FHIT: variants seen among roughly 807,000 people sequenced by gnomAD.
FHIT encodes bis(5'-adenosyl)-triphosphatase.
Under a neutral mutation model 17.9 loss-of-function variants are expected in FHIT, and 19 were observed. The ratio of observed to expected loss-of-function variants is 1.06; its 90% CI spans 0.74 to 1.56. The LOEUF (loss-of-function observed/expected upper bound fraction) is 1.56, where lower values mean the gene tolerates loss of function less well. FHIT is among the 40% of genes most tolerant of loss of function. The probability of loss-of-function intolerance (pLI) is 0.00; values close to 1 mark genes in which losing one functional copy is unlikely to be tolerated. For missense variants in FHIT, 248 were observed against 189.2 expected, an observed-to-expected ratio of 1.31 and a Z score of -1.82; for synonymous variants, 81 against 69.7, an observed-to-expected ratio of 1.16 and a Z score of -0.81.
At chr3:60,417,925 G>T (rs2687181) in intron 5 of FHIT, among the ~76,000 whole-genome samples, 4,165 of 152,162 alleles carry the variant, frequency 0.027, 96 homozygotes, top group African/African-American at 0.062. Context: ...GAAATCTCCC[G>T]AGCATTTTAT....
At chr3:59,802,859 T>C (rs1029377983) in intron 8 of FHIT, among the ~76,000 whole-genome samples, 5 of 152,006 alleles carry the variant, frequency 3.3e-5, no homozygotes, top group African/African-American at 9.7e-5. Context: ...GCAGTGAGAA[T>C]AGAGAAAAGA....
intron 8 of FHIT, among the ~76,000 whole-genome samples, chr3:59,805,145 T>C (rs1174272557): frequency 2.0e-5 from 3 of 152,318 alleles, no homozygotes; most frequent in East Asian, 3.9e-4. Flanking sequence ...AGTGTCCCTT[T>C]CCGGCGTGTC....
In FHIT at chr3:60,350,389, T is replaced by C. The variant is rs148727170; in HGVS notation, c.103+186471A>G. 4.3e-4 allele frequency among the ~76,000 whole-genome samples: 65 copies of C among 152,288 alleles called. No individual in the cohort carries two copies. The East Asian group carries it at 0.012, about 28-fold the overall frequency. The stretch of plus-strand genomic sequence containing the variant: ...AACCAATATTTGCCATGTAGAAGGG[T>C]AGAGCTCCAAACTCCCATGATTTTA... On this transcript the variant is annotated intron_variant, in intron 5 of 9. Transcript: ENST00000492590.
chr3:61,213,541 C>A (rs1441594090), intron 1 of FHIT, among the ~76,000 whole-genome samples: 11 of 152,112 alleles, frequency 7.2e-5, no homozygotes, highest in Non-Finnish European at 1.6e-4. Flanking sequence ...ACTTAGACTC[C>A]CACACAATAA....
chr3:59,752,940 C>G lies in FHIT; in HGVS notation c.349-619G>C, dbSNP rs192884592. Among the ~76,000 whole-genome samples the G allele has an allele frequency of 3.8e-3, 573 of 152,272 alleles. 1 individual carries two copies. The highest frequency in any genetic ancestry group is 0.013 in the South Asian group (64 of 4,812). On this transcript the variant is annotated intron_variant, in intron 8 of 9. Coordinates refer to ENST00000492590, the MANE Select transcript of FHIT (RefSeq NM_002012.4). ...AAGAATGGACTAATACAGGTGATCA[C>G]AGATTGGGATGAAGTGGGGGAATGG...
chr3:61,029,364 G>T (rs750213156), intron 3 of FHIT, among the ~76,000 whole-genome samples: 1 of 152,180 alleles, frequency 6.6e-6, no homozygotes, highest in Non-Finnish European at 1.5e-5. Context: ...ACTCCTCCCC[G>T]AGGGAATAAC....
chr3:60,109,629 G>T (rs904189872), intron 5 of FHIT, among the ~76,000 whole-genome samples: 1 of 152,240 alleles, frequency 6.6e-6, no homozygotes, highest in Admixed American at 6.5e-5. Context: ...AGTGGTTAAT[G>T]GTTTCCTTAA....
At chr3:60,856,352 G>T (rs1703379824) in intron 3 of FHIT, 1 of 152,086 alleles carries the variant, frequency 6.6e-6, no homozygotes, top group South Asian at 2.1e-4. Flanking sequence ...AACTCCTTTT[G>T]CATACTGCAG....
At chr3:60,173,203 C>T (rs1701495325) in intron 5 of FHIT, among the ~76,000 whole-genome samples, 1 of 152,132 alleles carries the variant, frequency 6.6e-6, no homozygotes, top group African/African-American at 2.4e-5. Context: ...GTTGAAAGAT[C>T]ATGATGGATT....
chr3:59,850,097 A>G (rs966386023), intron 8 of FHIT, among the ~76,000 whole-genome samples: 2 of 152,216 alleles, frequency 1.3e-5, no homozygotes, highest in Non-Finnish European at 2.9e-5. Flanking sequence ...CTGGTAGTTA[A>G]TTTAATAAAA....
chr3:60,982,210 C>A (rs551688363), intron 3 of FHIT, among the ~76,000 whole-genome samples: 2 of 152,340 alleles, frequency 1.3e-5, no homozygotes, highest in East Asian at 3.9e-4. Context: ...CCCTGGCCTA[C>A]GGGGCCTTCC....
At chr3:60,495,282 T>C (rs2034253751) in intron 5 of FHIT, among the ~76,000 whole-genome samples, 1 of 152,184 alleles carries the variant, frequency 6.6e-6, no homozygotes, top group South Asian at 2.1e-4. Context: ...GTTTCTTTCA[T>C]AAGCAAATGC....
At chr3:60,489,324 ATGTG>A (rs1559486886) in intron 5 of FHIT, among the ~76,000 whole-genome samples, 1 of 152,164 alleles carries the variant, frequency 6.6e-6, no homozygotes, top group Non-Finnish European at 1.5e-5. Flanking sequence ...TCATTTTAAA[ATGTG>A]TGTGTATACT....
chr3:60,114,488 C>CTTTTTTTT (rs145618938), intron 5 of FHIT, among the ~76,000 whole-genome samples: 1,263 of 59,450 alleles, frequency 0.021, 287 homozygotes, highest in Middle Eastern at 0.034. Flanking sequence ...CAAGAGAAAT[C>CTTTTTTTT]CTTTTTTTTT....
intron 5 of FHIT, among the ~76,000 whole-genome samples, chr3:60,397,701 C>T (rs1701502922): frequency 6.6e-6 from 1 of 152,118 alleles, no homozygotes; most frequent in South Asian, 2.1e-4. Flanking sequence ...AGTGCAACCC[C>T]ACTTCCAAGC....
intron 7 of FHIT, among the ~76,000 whole-genome samples, chr3:60,001,463 C>A (rs985789521): frequency 6.6e-6 from 1 of 151,992 alleles, no homozygotes; most frequent in African/African-American, 2.4e-5. Flanking sequence ...TGAATGAATG[C>A]CAGATAGAAA....
intron 2 of FHIT, among the ~76,000 whole-genome samples, chr3:61,197,866 C>G (rs982628916): frequency 1.2e-4 from 18 of 150,686 alleles, no homozygotes; most frequent in African/African-American, 3.4e-4. Context: ...TCCAGCTCTA[C>G]GCCCACATAC....
intron 4 of FHIT, chr3:60,732,306 T>C (rs1022907447): frequency 1.1e-6 from 1 of 948,152 alleles, no homozygotes; most frequent in South Asian, 1.3e-5. Context: ...CATGAAAAAC[T>C]GGGAACCATT....
Position 60,753,577 on chromosome 3 carries a change from T to C in FHIT, c.-18+68342A>G, listed in dbSNP as rs534105584. ...TCTGTTTGGCCAGACATGCCATTCT[T>C]CTCTTGAAGGAAATTAATTTCTTGA... On this transcript the variant is annotated intron_variant, in intron 4 of 9. Coordinates refer to ENST00000492590, the MANE Select transcript of FHIT (RefSeq NM_002012.4). Among the ~76,000 whole-genome samples the C allele has an allele frequency of 9.8e-5, 15 of 152,352 alleles. No individual in the cohort carries two copies. The South Asian group carries it at 3.1e-3, about 32-fold the overall frequency.
Sources: allele counts gnomAD v4.1 joint callset (sites outside exome capture counted in the v4.1 genomes callset), GRCh38; gene constraint gnomAD v4.1.1; transcripts MANE v1.5; gene names NCBI Gene and HGNC (gene_info 2026-07-23, HGNC 2026-07-21).